The following MCC variants were observed in gnomAD, a reference collection of about 807,000 sequenced individuals.
MCC encodes colorectal mutant cancer protein.
A neutral mutation model predicts 116.2 loss-of-function variants in MCC; 90 were observed. The ratio of observed to expected loss-of-function variants is 0.77; its 90% CI spans 0.65 to 0.92. The LOEUF (loss-of-function observed/expected upper bound fraction) is 0.92, where lower values mean the gene tolerates loss of function less well. MCC is among the 40% of genes least tolerant of loss of function. The pLI is 0.00. For missense variants in MCC, 1,516 were observed against 1,312.2 expected, an observed-to-expected ratio of 1.16 and a Z score of -2.40; for synonymous variants, 578 against 510.5, an observed-to-expected ratio of 1.13 and a Z score of -1.78.
At chr5:113,238,485 A>G (rs138221960) in intron 3 of MCC, among the ~76,000 whole-genome samples, 23 of 152,332 alleles carry the variant, frequency 1.5e-4, no homozygotes, top group African/African-American at 5.3e-4. Flanking sequence ...AAGACTCTTC[A>G]ATAAAGCTTT....
At chr5:113,474,754 C>G (rs553169679) in intron 1 of MCC, among the ~76,000 whole-genome samples, 46 of 152,330 alleles carry the variant, frequency 3.0e-4, no homozygotes, top group African/African-American at 1.1e-3. Context: ...ATAAGCCGCA[C>G]TGATTTCATC....
intron 3 of MCC, among the ~76,000 whole-genome samples, chr5:113,151,634 T>G (rs963820196): frequency 6.6e-6 from 1 of 152,196 alleles, no homozygotes; most frequent in African/African-American, 2.4e-5. Context: ...CTAAATATTA[T>G]GTGTGGGACA....
At chr5:113,172,694 A>T (rs1212139205) in intron 3 of MCC, among the ~76,000 whole-genome samples, 1 of 152,156 alleles carries the variant, frequency 6.6e-6, no homozygotes, top group Non-Finnish European at 1.5e-5. Flanking sequence ...ATGTGTAACC[A>T]ATTTTCCTTG....
At chr5:113,412,197 A>G (rs1770012291) in intron 1 of MCC, among the ~76,000 whole-genome samples, 1 of 152,210 alleles carries the variant, frequency 6.6e-6, no homozygotes, top group South Asian at 2.1e-4. Flanking sequence ...GTTTGAAGTC[A>G]GGTAGCGTGA....
At chr5:113,357,129 G>A (rs537586917) in intron 2 of MCC, among the ~76,000 whole-genome samples, 1 of 152,112 alleles carries the variant, frequency 6.6e-6, no homozygotes, top group African/African-American at 2.4e-5. Flanking sequence ...TTAAAATAGG[G>A]ATAATAAAGT....
At chr5:113,159,110 T>C (rs1760340323) in intron 3 of MCC, among the ~76,000 whole-genome samples, 2 of 152,170 alleles carry the variant, frequency 1.3e-5, no homozygotes, top group Admixed American at 1.3e-4. Flanking sequence ...GGGGCTCAGC[T>C]TGGTATAAAT....
intron 3 of MCC, among the ~76,000 whole-genome samples, chr5:113,318,675 T>C (rs1767347280): frequency 6.6e-6 from 1 of 151,890 alleles, no homozygotes; most frequent in Admixed American, 6.6e-5. Context: ...CACTGGGGCC[T>C]ATGGGAGGGT....
intron 3 of MCC, among the ~76,000 whole-genome samples, chr5:113,336,521 A>G (rs1448066809): frequency 2.0e-5 from 3 of 148,696 alleles, no homozygotes; most frequent in African/African-American, 7.8e-5. Context: ...TTTGTCCTCA[A>G]TGGTCCCATT....
At chr5:113,262,310 G>T (rs1765247468) in intron 3 of MCC, among the ~76,000 whole-genome samples, 1 of 151,950 alleles carries the variant, frequency 6.6e-6, no homozygotes, top group Admixed American at 6.6e-5. Flanking sequence ...TTTGCTATCA[G>T]GTTGAAAGAA....
chr5:113,433,488 G>T, intron 1 of MCC: 1 of 615,390 alleles, frequency 1.6e-6, no homozygotes, highest in Non-Finnish European at 2.9e-6. Flanking sequence ...TCCAGCACCT[G>T]CTCCGGGTCA....
intron 2 of MCC, among the ~76,000 whole-genome samples, chr5:113,381,098 T>A (rs1375072464): frequency 6.6e-6 from 1 of 152,132 alleles, no homozygotes; most frequent in Non-Finnish European, 1.5e-5. Context: ...GGGAGGCCAG[T>A]TAAAGGTTAT....
chr5:113,295,806 G>T (rs1182027790), intron 3 of MCC, among the ~76,000 whole-genome samples: 1 of 152,176 alleles, frequency 6.6e-6, no homozygotes, highest in Non-Finnish European at 1.5e-5. Flanking sequence ...AAAATGTTCT[G>T]ATGCTTCAAA....
At chr5:113,300,821 T>A (rs1349686853) in intron 3 of MCC, among the ~76,000 whole-genome samples, 2 of 152,164 alleles carry the variant, frequency 1.3e-5, no homozygotes, top group Non-Finnish European at 2.9e-5. Flanking sequence ...CCAGCCTCAA[T>A]GGCCTGCCCC....
At chr5:113,039,557 G>C (rs1457447072) in intron 17 of MCC, among the ~76,000 whole-genome samples, 1 of 152,200 alleles carries the variant, frequency 6.6e-6, no homozygotes, top group African/African-American at 2.4e-5. Flanking sequence ...AGATAAACGA[G>C]TGGGCTCAGC....
intron 1 of MCC, among the ~76,000 whole-genome samples, chr5:113,432,297 T>C (rs1580366291): frequency 8.4e-6 from 1 of 118,822 alleles, no homozygotes; most frequent in Non-Finnish European, 1.6e-5. Context: ...CACTCCAGCC[T>C]GGGCTAGAGC....
At chr5:113,469,283 G>T (rs184943864) in intron 1 of MCC, among the ~76,000 whole-genome samples, 1 of 151,908 alleles carries the variant, frequency 6.6e-6, no homozygotes, top group South Asian at 2.1e-4. Flanking sequence ...TTAGGGTGTC[G>T]ATTTTAGATC....
At chr5:113,176,896 C>A (rs1289857284) in intron 3 of MCC, among the ~76,000 whole-genome samples, 1 of 152,160 alleles carries the variant, frequency 6.6e-6, no homozygotes, top group African/African-American at 2.4e-5. Flanking sequence ...GTCTAGATTG[C>A]AGGAACAGTG....
intron 3 of MCC, among the ~76,000 whole-genome samples, chr5:113,274,939 C>T (rs1765768132): frequency 6.6e-6 from 1 of 152,194 alleles, no homozygotes; most frequent in South Asian, 2.1e-4. Flanking sequence ...GGCTCTGACA[C>T]CTCCTGCACC....
chr5:113,118,219 C>T (rs1410843253), intron 6 of MCC, among the ~76,000 whole-genome samples: 1 of 152,144 alleles, frequency 6.6e-6, no homozygotes, highest in Non-Finnish European at 1.5e-5. Flanking sequence ...AGTTGGTATA[C>T]CCACCCTCTC....
Sources: allele counts gnomAD v4.1 joint callset (sites outside exome capture counted in the v4.1 genomes callset), GRCh38; gene constraint gnomAD v4.1.1; transcripts MANE v1.5; gene names NCBI Gene and HGNC (gene_info 2026-07-23, HGNC 2026-07-21).